MSR1: variants seen among roughly 807,000 people sequenced by gnomAD.
MSR1 encodes the protein macrophage scavenger receptor types I and II.
A neutral mutation model predicts 47.2 loss-of-function variants in MSR1; 53 were observed. That is an observed-to-expected ratio of 1.12 (90% CI 0.90 to 1.41). MSR1 has a LOEUF of 1.41. MSR1 is among the 40% of genes most tolerant of loss of function. The pLI is 0.00. For synonymous variants in MSR1, 239 were observed against 185.6 expected (o/e 1.29, Z -2.34); for missense variants, 786 against 546.9 (o/e 1.44, Z -4.36).
chr8:16,152,990 G>A (rs1047852017), intron 6 of MSR1, among the ~76,000 whole-genome samples: 7 of 151,918 alleles, frequency 4.6e-5, no homozygotes, highest in Non-Finnish European at 8.8e-5. Flanking sequence ...TTATTATTTG[G>A]GGAATAAAGC....
At chr8:16,165,129 C>A (rs1034971951) in intron 4 of MSR1, among the ~76,000 whole-genome samples, 18 of 152,112 alleles carry the variant, frequency 1.2e-4, no homozygotes, top group African/African-American at 4.3e-4. Context: ...GATATAAGTA[C>A]TTCTATAGAA....
intron 5 of MSR1, among the ~76,000 whole-genome samples, chr8:16,161,700 T>C (rs1284441350): frequency 2.0e-5 from 3 of 152,010 alleles, no homozygotes; most frequent in African/African-American, 7.2e-5. Context: ...TACATATTTA[T>C]GTGTCTGTAA....
intron 1 of MSR1, among the ~76,000 whole-genome samples, chr8:16,186,600 C>T (rs1363762736): frequency 1.3e-5 from 2 of 151,770 alleles, no homozygotes; most frequent in African/African-American, 4.8e-5. Context: ...TGCTAGCATC[C>T]TGTCCAAGCC....
rs149205155 is a variant in MSR1, at chr8:16,171,841, G to A, written c.218-2971C>T. Among the ~76,000 whole-genome samples, 491 of 152,240 alleles carry A rather than the reference G, an allele frequency of 3.2e-3. 1 individual carries two copies. The highest frequency in any genetic ancestry group is 6.8e-3 in the Middle Eastern group (2 of 294). On this transcript the variant is annotated intron_variant, in intron 3 of 9. Transcript: ENST00000262101. ...GGCTCTGCCCTTTATAAACTATGGC[G>A]TTGGACAAGTTACTTAATCTGTTAT...
At chr8:16,188,421 G>A (rs767079328) in intron 1 of MSR1, among the ~76,000 whole-genome samples, 23 of 152,110 alleles carry the variant, frequency 1.5e-4, no homozygotes, top group Middle Eastern at 3.4e-3. Context: ...CATCATGCAC[G>A]TATCATTTGG....
At chr8:16,123,290 A>G (rs975435692) in intron 8 of MSR1, among the ~76,000 whole-genome samples, 1 of 152,162 alleles carries the variant, frequency 6.6e-6, no homozygotes, top group African/African-American at 2.4e-5. Context: ...TATAGAGGAA[A>G]GGCGTCTCAA....
At chr8:16,120,941 T>A in intron 8 of MSR1, 2 of 344,558 alleles carry the variant, frequency 5.8e-6, no homozygotes, top group Non-Finnish European at 1.1e-5. Context: ...TTCATACCAT[T>A]GAAAAATTAT....
chr8:16,158,890 G>A (rs1801084233), intron 5 of MSR1, among the ~76,000 whole-genome samples: 1 of 147,718 alleles, frequency 6.8e-6, no homozygotes, highest in Non-Finnish European at 1.5e-5. Flanking sequence ...TTTACATAGT[G>A]GTTAGACAAA....
At chr8:16,187,150 G>T (rs1234525917) in intron 1 of MSR1, among the ~76,000 whole-genome samples, 2 of 151,634 alleles carry the variant, frequency 1.3e-5, no homozygotes, top group Non-Finnish European at 2.9e-5. Context: ...ATCACCTGAG[G>T]TCAGGAGTTC....
At chr8:16,185,584 C>G (rs1026337866) in intron 1 of MSR1, among the ~76,000 whole-genome samples, 3 of 152,088 alleles carry the variant, frequency 2.0e-5, no homozygotes, top group African/African-American at 4.8e-5. Context: ...CTAGACCGCT[C>G]TCATCTATAA....
At position 16,168,771 on chromosome 8, in the gene MSR1, T is replaced by A; in HGVS notation, c.317A>T (p.Glu106Val). 1.9e-6 allele frequency: 3 copies of A among 1,614,184 alleles called. No homozygotes were observed. The highest frequency in any genetic ancestry group is 1.7e-6 in the Non-Finnish European group (2 of 1,180,024). ...SLTGKGNDSE[E>V]EMRFQEVFME... ...AAAGACTTCTTGAAATCTCATTTCC[T>A]CTTCGCTGTCATTTCCTTTTCCCGT... is the stretch of plus-strand genomic sequence containing the variant. The change falls in exon 4 of 10, where the codon GAG (glutamate) becomes GTG (valine). Residue 106 changes from glutamate (E) to valine (V), a missense_variant. Physicochemically the swap from Glu to Val is moderately radical, Grantham distance 121. Coordinates refer to ENST00000262101, the MANE Select transcript of MSR1 (RefSeq NM_138715.3).
At chr8:16,120,690 T>TA in intron 8 of MSR1, 84 bp from the exon 9 acceptor site, 1 of 1,451,854 alleles carries the variant, frequency 6.9e-7, no homozygotes, top group Non-Finnish European at 9.1e-7. Context: ...CACTTTTTTT[T>TA]TAAACACAAA....
chr8:16,140,895 G>A lies in MSR1; in HGVS notation c.1033+2663C>T, dbSNP rs1036994595. The A allele has an allele frequency of 8.7e-6, 14 of 1,608,836 alleles. No individual in the cohort carries two copies. In the African/African-American group the frequency reaches 1.5e-4, roughly 17 times the overall value. On this transcript the variant is annotated intron_variant, in intron 8 of 9. Transcript: ENST00000262101. ...ACACGGGAACCAAAGTCATTTGGAG[G>A]AGTCACAAAAGGATCTTGGAAGTCA...
At chr8:16,134,169 C>A (rs1455887615) in intron 8 of MSR1, among the ~76,000 whole-genome samples, 5 of 152,126 alleles carry the variant, frequency 3.3e-5, no homozygotes, top group African/African-American at 1.2e-4. Flanking sequence ...AAACAAGTTT[C>A]ATCATAAATT....
chr8:16,143,185 A>G (rs1012128237), intron 8 of MSR1, among the ~76,000 whole-genome samples: 3 of 152,164 alleles, frequency 2.0e-5, no homozygotes, highest in Non-Finnish European at 4.4e-5. Context: ...TAAACTGTCC[A>G]AATTCTTATA....
At chr8:16,122,038 A>C (rs955076800) in intron 8 of MSR1, among the ~76,000 whole-genome samples, 64 of 152,050 alleles carry the variant, frequency 4.2e-4, no homozygotes, top group African/African-American at 1.5e-3. Context: ...AGCTATGCAG[A>C]AACATAAAAG....
intron 8 of MSR1, among the ~76,000 whole-genome samples, chr8:16,129,594 A>T (rs1411803601): frequency 6.6e-6 from 1 of 152,076 alleles, no homozygotes; most frequent in Admixed American, 6.6e-5. Context: ...AAAAAATTTT[A>T]AAAAACAGCT....
At chr8:16,181,485 T>C (rs1420676687) in intron 1 of MSR1, among the ~76,000 whole-genome samples, 1 of 152,166 alleles carries the variant, frequency 6.6e-6, no homozygotes, top group African/African-American at 2.4e-5. Flanking sequence ...AAGAGTGAGT[T>C]CATGTCCTTT....
chr8:16,186,800 G>T (rs1380272985), intron 1 of MSR1, among the ~76,000 whole-genome samples: 1 of 117,386 alleles, frequency 8.5e-6, no homozygotes, highest in Non-Finnish European at 1.7e-5. Flanking sequence ...CCCATCTAGA[G>T]ATGCAGTCTT....
Sources: allele counts gnomAD v4.1 joint callset (sites outside exome capture counted in the v4.1 genomes callset), GRCh38; gene constraint gnomAD v4.1.1; transcripts MANE v1.5; gene names NCBI Gene and HGNC (gene_info 2026-07-23, HGNC 2026-07-21).